Variants in GRAMD4 observed in about 807,000 individuals in gnomAD.
The protein encoded by GRAMD4 is GRAM domain containing 4.
A neutral mutation model predicts 83.9 loss-of-function variants in GRAMD4; 25 were observed. The observed-to-expected ratio is 0.30, with a 90% CI of 0.22 to 0.42. The LOEUF is 0.42. Among genes scored for constraint, GRAMD4 ranks in the 10% least tolerant of loss-of-function variants. The probability of loss-of-function intolerance (pLI) is 1.00; values close to 1 mark genes in which losing one functional copy is unlikely to be tolerated. For synonymous variants in GRAMD4, 336 were observed against 320.9 expected (o/e 1.05, Z -0.50); for missense variants, 593 against 788.7 (o/e 0.75, Z 2.97).
At chr22:46,629,454 G>C (rs2081731933) in intron 2 of GRAMD4, among the ~76,000 whole-genome samples, 1 of 152,116 alleles carries the variant, frequency 6.6e-6, no homozygotes, top group South Asian at 2.1e-4. Context: ...GCGAAGCCTC[G>C]TTCCTGTAGC....
intron 1 of GRAMD4, among the ~76,000 whole-genome samples, chr22:46,586,854 A>C (rs574525325): frequency 5.3e-5 from 8 of 152,254 alleles, no homozygotes; most frequent in South Asian, 2.1e-4. Context: ...TGCAGCTCTG[A>C]GGGCACTTGG....
chr22:46,668,776 C>A, intron 12 of GRAMD4, 23 bp from the exon 13 acceptor site: 1 of 1,332,032 alleles, frequency 7.5e-7, no homozygotes, highest in Non-Finnish European at 1.0e-6. Context: ...CCCGCCCGGC[C>A]TGAGCCTCCC....
chr22:46,617,402 T>G (rs13053522), upstream of GRAMD4, among the ~76,000 whole-genome samples: 1 of 146,566 alleles, frequency 6.8e-6, no homozygotes, highest in African/African-American at 2.5e-5. Context: ...TCCCCTGTGC[T>G]TGCAGGTTCC....
downstream of GRAMD4, among the ~76,000 whole-genome samples, chr22:46,681,849 C>T (rs1569314286): frequency 1.3e-5 from 2 of 152,102 alleles, no homozygotes; most frequent in African/African-American, 2.4e-5. Flanking sequence ...CGCTGGGAAC[C>T]CAGGGTTGTG....
intron 4 of GRAMD4, among the ~76,000 whole-genome samples, chr22:46,658,770 A>C: frequency 6.6e-6 from 1 of 150,980 alleles, no homozygotes; most frequent in African/African-American, 2.5e-5. Context: ...GCGTGTTCCC[A>C]TGCCCCCTGT....
chr22:46,598,896 G>A (rs2081286340), intron 1 of GRAMD4, among the ~76,000 whole-genome samples: 2 of 152,132 alleles, frequency 1.3e-5, no homozygotes, highest in South Asian at 4.2e-4. Flanking sequence ...GGACATGCAT[G>A]GGAAGAGGGT....
intron 2 of GRAMD4, among the ~76,000 whole-genome samples, chr22:46,630,135 G>A (rs550596654): frequency 4.0e-5 from 6 of 151,510 alleles, no homozygotes; most frequent in Admixed American, 1.3e-4. Flanking sequence ...AGCGATTCTC[G>A]TGCCTCAGCC....
intron 3 of GRAMD4, among the ~76,000 whole-genome samples, chr22:46,650,333 C>T (rs1055619235): frequency 8.1e-6 from 1 of 123,614 alleles, no homozygotes; most frequent in African/African-American, 3.5e-5. Flanking sequence ...TGGAGGGCTG[C>T]GTGTCGAGGC....
chr22:46,647,806 C>T (rs915941645), intron 3 of GRAMD4, among the ~76,000 whole-genome samples: 7 of 152,256 alleles, frequency 4.6e-5, no homozygotes, highest in African/African-American at 1.4e-4. Context: ...CAAGCCTTCC[C>T]GTCCTCTGCA....
At chr22:46,631,457 G>A (rs2081776528) in intron 2 of GRAMD4, among the ~76,000 whole-genome samples, 1 of 145,036 alleles carries the variant, frequency 6.9e-6, no homozygotes, top group African/African-American at 2.6e-5. Flanking sequence ...GACCGGGGAT[G>A]GGTAGAACCT....
Position 46,663,826 on chromosome 22 carries a change from C to G in GRAMD4, c.600-12C>G. ...TTAACCCTGGGCTCCCATCTCTCCC[C>G]TTCTCTCTTAGGTTAACTGAAAATA... On this transcript the variant is annotated splice_polypyrimidine_tract_variant and intron_variant, in intron 6 of 18. Coordinates refer to ENST00000406902, the MANE Select transcript of GRAMD4 (RefSeq NM_015124.5). 1 of 1,613,210 alleles carries G rather than the reference C, an allele frequency of 6.2e-7. No homozygotes were observed. The highest frequency in any genetic ancestry group is 8.5e-7 in the Non-Finnish European group (1 of 1,179,830).
At chr22:46,675,068 C>A (rs972016992) in intron 16 of GRAMD4, among the ~76,000 whole-genome samples, 1 of 151,744 alleles carries the variant, frequency 6.6e-6, no homozygotes, top group African/African-American at 2.4e-5. Flanking sequence ...ATTGCTGAGG[C>A]CCTGAGTCCT....
rs2081573852 is a variant in GRAMD4 at position 46,621,462 on chromosome 22, T to TGCAGGC, written c.-50+904_-50+909dup. On this transcript the variant is annotated intron_variant, in intron 1 of 18. Coordinates refer to ENST00000406902, the MANE Select transcript of GRAMD4 (RefSeq NM_015124.5). The surrounding 1 kb of genome is among the most constrained non-coding windows in gnomAD (Gnocchi z 5.8). ...GCCGTGGAGGGCACCCCTACCCCGG[T>TGCAGGC]GCAGGCGCAGGCTGGAGGCGTAGCC... is the stretch of plus-strand genomic sequence containing the variant. 6.6e-6 allele frequency among the ~76,000 whole-genome samples: 1 copy of TGCAGGC among 151,940 alleles called. No individual in the cohort carries two copies. The highest frequency in any genetic ancestry group is 1.5e-5 in the Non-Finnish European group (1 of 67,976).
Position 46,678,117 on chromosome 22 carries a change from G to A in GRAMD4, c.*866G>A. On this transcript the variant is annotated 3_prime_UTR_variant, in exon 19 of 19. Transcript: ENST00000406902. Reference sequence around the variant, plus strand: ...GCCCAGGAGAACATCCGCGAAGGCTGTTGGAGGTGCTCCGAGCACTGTGGC... The same window carrying A: ...GCCCAGGAGAACATCCGCGAAGGCTATTGGAGGTGCTCCGAGCACTGTGGC... The A allele has an allele frequency of 3.0e-6, 3 of 985,620 alleles. No homozygotes were observed. Among genetic ancestry groups the A allele is most frequent in the Non-Finnish European group, 3.6e-6 (3 of 830,048 alleles). The allele number at this position is 985,620 out of a possible 1,614,324, so 61.1% of individuals were successfully genotyped here.
At chr22:46,594,824 G>C (rs1016324620) in intron 1 of GRAMD4, among the ~76,000 whole-genome samples, 5 of 151,976 alleles carry the variant, frequency 3.3e-5, no homozygotes, top group African/African-American at 1.2e-4. Context: ...GCTGGGGTTG[G>C]GGGTGAGGAG....
At chr22:46,616,550 GCA>G (rs2081498500), upstream of GRAMD4, among the ~76,000 whole-genome samples, 1 of 144,228 alleles carries the variant, frequency 6.9e-6, no homozygotes, top group Non-Finnish European at 1.5e-5. Context: ...CCCCGTGTGT[GCA>G]GGTTCCCCTG....
chr22:46,670,771 A>T (rs2082490137), intron 13 of GRAMD4, among the ~76,000 whole-genome samples: 1 of 151,824 alleles, frequency 6.6e-6, no homozygotes, highest in South Asian at 2.1e-4. Context: ...ACACTCAGCT[A>T]ATTTTTGTAT....
chr22:46,651,386 C>T (rs148415507), intron 3 of GRAMD4, among the ~76,000 whole-genome samples: 1 of 152,348 alleles, frequency 6.6e-6, no homozygotes, highest in Non-Finnish European at 1.5e-5. Context: ...GGGATCTGCA[C>T]AAGCTGTGGC....
intron 3 of GRAMD4, among the ~76,000 whole-genome samples, chr22:46,649,523 G>T (rs1353223608): frequency 2.0e-5 from 3 of 152,182 alleles, no homozygotes; most frequent in Non-Finnish European, 4.4e-5. Flanking sequence ...CTTCTTATTT[G>T]ACGTGGTAAA....
Sources: allele counts gnomAD v4.1 joint callset (sites outside exome capture counted in the v4.1 genomes callset), GRCh38; gene constraint gnomAD v4.1.1; non-coding constraint Gnocchi (gnomAD v3.1); transcripts MANE v1.5; gene names NCBI Gene and HGNC (gene_info 2026-07-23, HGNC 2026-07-21).